F8: variants seen among roughly 807,000 people sequenced by gnomAD.
F8 encodes antihemophilic factor.
A neutral mutation model predicts 140.6 loss-of-function variants in F8; 12 were observed. That is an observed-to-expected ratio of 0.09 (90% CI 0.05 to 0.14). The LOEUF (loss-of-function observed/expected upper bound fraction) is 0.14. Among genes scored for constraint, F8 ranks in the 10% least tolerant of loss-of-function variants. F8 has a pLI of 1.00. For missense variants in F8, 1,354 were observed against 1,720.7 expected (o/e 0.79, Z 3.77); for synonymous variants, 585 against 614.6 (o/e 0.95, Z 0.71).
chrX:154,966,547 A>G lies in F8; in HGVS notation c.1150T>C (p.Ser384Pro), dbSNP rs782747273. ...MDVVRFDDDN[S>P]PSFIQIRSVA... ...GAGCGAATTTGGATAAAGGAAGGAG[A>G]GTTGTCATCATCAAACCTGACCACA... Residue 384 changes from serine to proline, a missense_variant, in exon 8 of 26, where the codon TCT becomes CCT. Coordinates refer to ENST00000360256, the MANE Select transcript of F8 (RefSeq NM_000132.4). 2 of 1,211,501 alleles carry G rather than the reference A, an allele frequency of 1.7e-6. No homozygotes were observed. The highest frequency in any genetic ancestry group is 1.1e-6 in the Non-Finnish European group (1 of 895,415).
chrX:154,902,890 A>G (rs2073017180), intron 18 of F8, among the ~76,000 whole-genome samples: 1 of 112,241 alleles, frequency 8.9e-6, no homozygotes, highest in African/African-American at 3.2e-5. Flanking sequence ...GGGAAGCACG[A>G]TCATCACAAG....
intron 13 of F8, among the ~76,000 whole-genome samples, chrX:154,946,237 G>A (rs1451055138): frequency 3.6e-5 from 4 of 112,260 alleles, no homozygotes; most frequent in Non-Finnish European, 5.6e-5. Context: ...CTTAAAATTT[G>A]TGTGGAACCA....
At chrX:154,879,303 A>G (rs1057476520) in intron 22 of F8, among the ~76,000 whole-genome samples, 4 of 112,282 alleles carry the variant, frequency 3.6e-5, no homozygotes, top group Non-Finnish European at 7.5e-5. Context: ...ATATATATAA[A>G]TGGAATAGAA....
At chrX:154,922,445 A>T in intron 14 of F8, among the ~76,000 whole-genome samples, 1 of 112,597 alleles carries the variant, frequency 8.9e-6, no homozygotes, top group Non-Finnish European at 1.9e-5. Flanking sequence ...TGGGGACACA[A>T]CATTGAACAA....
chrX:154,917,624 T>C (rs1338406823), intron 14 of F8, among the ~76,000 whole-genome samples: 1 of 112,172 alleles, frequency 8.9e-6, no homozygotes, highest in Non-Finnish European at 1.9e-5. Context: ...TCATTCCTTT[T>C]AATTATTTTT....
chrX:154,846,315 T>C (rs1484865805), intron 25 of F8, among the ~76,000 whole-genome samples: 21 of 111,988 alleles, frequency 1.9e-4, no homozygotes, highest in Non-Finnish European at 2.6e-4. Context: ...GCTGCAGAGC[T>C]GAGTTCAATT....
chrX:154,929,991 G>A lies in F8; in HGVS notation c.3799C>T (p.Leu1267Phe), dbSNP rs782219165. The A allele has an allele frequency of 7.4e-6, 9 of 1,208,731 alleles. No homozygotes were observed. The South Asian group carries it at 1.6e-4, about 21-fold the overall frequency. ...TCATTTAATGACCTAAAATCTTGAA[G>A]TACTGGAGCATATGCCCCGTCATAT... ...GSYDGAYAPVLQDFRSLNDST... is the reference protein window; with the variant it reads ...GSYDGAYAPVFQDFRSLNDST... The change falls in exon 14 of 26, where the codon CTT becomes TTT. Residue 1267 changes from leucine to phenylalanine, a missense_variant. This residue lies in a region of F8 where 658 missense variants were observed against 666.5 expected (regional missense o/e 0.99). Coordinates refer to ENST00000360256, the MANE Select transcript of F8 (RefSeq NM_000132.4).
intron 13 of F8, among the ~76,000 whole-genome samples, chrX:154,939,465 G>A (rs1569559722): frequency 8.9e-6 from 1 of 112,736 alleles, no homozygotes; most frequent in Non-Finnish European, 1.9e-5. Flanking sequence ...GCAAGGCTGG[G>A]GGATGGGTGC....
chrX:154,993,305 G>T (rs2073599236), intron 3 of F8, among the ~76,000 whole-genome samples, 157 bp from the exon 4 acceptor site: 1 of 112,316 alleles, frequency 8.9e-6, no homozygotes, highest in Non-Finnish European at 1.9e-5. Flanking sequence ...GTCTCACTCT[G>T]TTGCCCAGGC....
chrX:155,014,650 G>A (rs782420297), intron 1 of F8, among the ~76,000 whole-genome samples: 35 of 112,065 alleles, frequency 3.1e-4, no homozygotes, highest in African/African-American at 1.0e-3. Flanking sequence ...ATTGGAAAAC[G>A]AAAACAAATA....
intron 6 of F8, among the ~76,000 whole-genome samples, chrX:154,978,144 C>T (rs1458487061): frequency 9.1e-6 from 1 of 109,511 alleles, no homozygotes; most frequent in Non-Finnish European, 1.9e-5. Context: ...GTAAATTTCT[C>T]TTTCATAGCC....
At position 154,837,079 on chromosome X, in the gene F8, C is replaced by G; in HGVS notation, c.*518G>C. On this transcript the variant is annotated 3_prime_UTR_variant, in exon 26 of 26. Transcript: ENST00000360256. ...TAGTTATTGTATTCTCTCCATTTTGCAGATTGTCCAAATGATTTGCCTTTT... is the reference window on the plus strand; with the variant it reads ...TAGTTATTGTATTCTCTCCATTTTGGAGATTGTCCAAATGATTTGCCTTTT... 1 of 122,267 alleles carries G rather than the reference C, an allele frequency of 8.2e-6. No individual in the cohort carries two copies. The highest frequency in any genetic ancestry group is 1.7e-5 in the Non-Finnish European group (1 of 58,173). The allele number at this position is 122,267 out of a possible 1,213,427, so 10.1% of individuals were successfully genotyped here. A position where few individuals can be genotyped will look rare whatever the true frequency, so the allele number is the denominator to read the frequency against.
intron 13 of F8, among the ~76,000 whole-genome samples, chrX:154,942,206 C>T (rs1193012532): frequency 2.8e-5 from 3 of 107,336 alleles, no homozygotes; most frequent in African/African-American, 6.8e-5. Flanking sequence ...AAAAACCCTT[C>T]AAAAAATTAA....
At chrX:154,999,237 ATGT>A (rs1441776851) in intron 2 of F8, among the ~76,000 whole-genome samples, 2 of 109,995 alleles carry the variant, frequency 1.8e-5, no homozygotes, top group African/African-American at 3.3e-5. Flanking sequence ...CTGTCATAAC[ATGT>A]TGTTACATAC....
chrX:154,981,039 A>T (rs1214587161), intron 6 of F8, among the ~76,000 whole-genome samples: 1 of 112,085 alleles, frequency 8.9e-6, no homozygotes, highest in African/African-American at 3.2e-5. Flanking sequence ...GGTTAGACGC[A>T]AGTCTCATGC....
rs1557280416 is a variant in F8 at position 154,947,711 on chromosome X, C to T, written c.2100G>A (p.Ser700=). The change falls in exon 13 of 26, where the codon TCG becomes TCA. Residue 700 remains serine (S), a synonymous_variant. Coordinates refer to ENST00000360256, the MANE Select transcript of F8 (RefSeq NM_000132.4). The part of the protein sequence containing the change: ...FPFSGETVFM[S]MENPGLWILG... ...ATAATAACTAACCTGGGTTTTCCAT[C>T]GACATGAAGACAGTTTCTCCTGAGA... 2 of 1,207,545 alleles carry T rather than the reference C, an allele frequency of 1.7e-6. No homozygotes were observed. The highest frequency in any genetic ancestry group is 1.1e-6 in the Non-Finnish European group (1 of 893,142).
chrX:155,009,486 C>A (rs2073695200), intron 1 of F8, among the ~76,000 whole-genome samples: 1 of 111,330 alleles, frequency 9.0e-6, no homozygotes, highest in Non-Finnish European at 1.9e-5. Context: ...TCTGTAATCC[C>A]AGCACTTTGG....
In F8 at chrX:154,901,398, A is replaced by C; in HGVS notation, c.6160T>G (p.Phe2054Val). 1 of 1,200,271 alleles carries C rather than the reference A, an allele frequency of 8.3e-7. No individual in the cohort carries two copies. Among genetic ancestry groups the C allele is most frequent in the African/African-American group, 1.7e-5 (1 of 57,646 alleles). ...LGMASGHIRD[F>V]QITASGQYGQ... ...TATTGTCCTGAAGCTGTAATCTGAAAATCTCTAATGTGTCCAGAAGCCATT... is the reference window on the plus strand; with the variant it reads ...TATTGTCCTGAAGCTGTAATCTGAACATCTCTAATGTGTCCAGAAGCCATT... Residue 2054 changes from phenylalanine to valine, a missense_variant, in exon 20 of 26, where the codon TTT becomes GTT. By Grantham distance (50) the Phe-to-Val change is conservative. Coordinates refer to ENST00000360256, the MANE Select transcript of F8 (RefSeq NM_000132.4).
intron 25 of F8, among the ~76,000 whole-genome samples, chrX:154,850,201 T>C (rs1557272051): frequency 4.6e-5 from 5 of 108,599 alleles, no homozygotes; most frequent in Non-Finnish European, 9.5e-5. Flanking sequence ...CGATCTGGGC[T>C]CACTGCAACT....
Sources: allele counts gnomAD v4.1 joint callset (sites outside exome capture counted in the v4.1 genomes callset), GRCh38; gene constraint gnomAD v4.1.1; regional missense constraint gnomAD v4.1.1; transcripts MANE v1.5; gene names NCBI Gene and HGNC (gene_info 2026-07-23, HGNC 2026-07-21).